Variants in RASSF3 observed in about 807,000 individuals in gnomAD.
RASSF3 encodes the protein Ras association domain family member 3, also known as ras association domain-containing protein 3.
RASSF3 carries 19 observed loss-of-function variants against 19.9 expected under a neutral mutation model. The observed-to-expected ratio is 0.96, with a 90% CI of 0.67 to 1.40. The LOEUF is 1.40. RASSF3 is among the 40% of genes most tolerant of loss of function. The pLI is 0.00. For synonymous variants in RASSF3, 110 were observed against 104.2 expected (o/e 1.06, Z -0.34); for missense variants, 306 against 289.8 (o/e 1.06, Z -0.41).
chr12:64,641,414 A>ACACACACGCGCGCGCGCG, intron 1 of RASSF3, among the ~76,000 whole-genome samples: 1 of 142,100 alleles, frequency 7.0e-6, no homozygotes, highest in African/African-American at 2.8e-5. Context: ...ACACACACAC[A>ACACACACGCGCGCGCGCG]CGCGCGCGCG....
chr12:64,507,174 C>T (rs1015259203), exon 1 of RASSF3: 7 of 398,520 alleles, frequency 1.8e-5, no homozygotes, highest in Admixed American at 4.4e-5. Context: ...CTCTCTGTAG[C>T]GAGTCATTCT....
chr12:64,534,689 G>A (rs1274796021), intron 1 of RASSF3, among the ~76,000 whole-genome samples: 1 of 152,056 alleles, frequency 6.6e-6, no homozygotes, highest in Non-Finnish European at 1.5e-5. Context: ...AGAATAGAGA[G>A]ACAGAGAGAG....
At chr12:64,662,988 C>T (rs183324509) in intron 1 of RASSF3, among the ~76,000 whole-genome samples, 67 of 152,254 alleles carry the variant, frequency 4.4e-4, no homozygotes, top group African/African-American at 1.5e-3. Flanking sequence ...TAAATTTTAG[C>T]TATTAACATA....
intron 2 of RASSF3, among the ~76,000 whole-genome samples, chr12:64,559,034 G>T (rs1869301320): frequency 6.6e-6 from 1 of 152,112 alleles, no homozygotes; most frequent in South Asian, 2.1e-4. Context: ...ACTGGTGATT[G>T]TGGCTGCCTG....
intron 2 of RASSF3, among the ~76,000 whole-genome samples, chr12:64,591,302 C>T (rs1451999183): frequency 6.6e-6 from 1 of 152,108 alleles, no homozygotes; most frequent in Non-Finnish European, 1.5e-5. Context: ...TAGTGAAACG[C>T]CATCTCTACT....
intron 1 of RASSF3, among the ~76,000 whole-genome samples, chr12:64,615,051 A>G (rs758358546): frequency 2.6e-5 from 4 of 152,152 alleles, no homozygotes; most frequent in Non-Finnish European, 5.9e-5. Flanking sequence ...CAGTGTTTAT[A>G]ATTTGTATTT....
chr12:64,582,345 C>A (rs1400917967), intron 2 of RASSF3, among the ~76,000 whole-genome samples: 3 of 152,172 alleles, frequency 2.0e-5, no homozygotes, highest in Non-Finnish European at 4.4e-5. Flanking sequence ...GCTGACAGCA[C>A]CAGCCTGCTC....
chr12:64,684,656 C>CCCAACCTCAGGTGATCCG (rs1459341766), intron 1 of RASSF3, 131 bp from the exon 2 acceptor site: 66 of 609,568 alleles, frequency 1.1e-4, no homozygotes, highest in African/African-American at 1.1e-3. Context: ...GTATTGAACT[C>CCCAACCTCAGGTGATCCG]CCAACCTCAG....
intron 1 of RASSF3, among the ~76,000 whole-genome samples, chr12:64,664,535 C>A (rs1390781460): frequency 6.6e-6 from 1 of 152,192 alleles, no homozygotes; most frequent in African/African-American, 2.4e-5. Context: ...TCAACCAGTT[C>A]TCCTTAAGTA....
chr12:64,630,747 G>A (rs545203663), intron 1 of RASSF3, among the ~76,000 whole-genome samples: 1 of 152,286 alleles, frequency 6.6e-6, no homozygotes, highest in African/African-American at 2.4e-5. Flanking sequence ...AACACTGAAT[G>A]TGGGCAGAGA....
At chr12:64,575,103 G>C (rs1869574559) in intron 2 of RASSF3, among the ~76,000 whole-genome samples, 1 of 152,144 alleles carries the variant, frequency 6.6e-6, no homozygotes, top group Admixed American at 6.5e-5. Context: ...GATAAAAAAA[G>C]AAAGAAAGCT....
At chr12:64,538,644 AAC>A (rs1013415216) in intron 1 of RASSF3, among the ~76,000 whole-genome samples, 6 of 150,210 alleles carry the variant, frequency 4.0e-5, no homozygotes, top group African/African-American at 1.5e-4. Flanking sequence ...CTCTGTAGAA[AAC>A]ACACAAAAAA....
At chr12:64,689,420 C>T (rs1289587214) in intron 3 of RASSF3, among the ~76,000 whole-genome samples, 1 of 152,092 alleles carries the variant, frequency 6.6e-6, no homozygotes, top group Admixed American at 6.5e-5. Context: ...GGGCTAGACC[C>T]TGTGGAATAC....
chr12:64,633,909 G>A (rs1871245369), intron 1 of RASSF3, among the ~76,000 whole-genome samples: 1 of 152,024 alleles, frequency 6.6e-6, no homozygotes. Context: ...TGAGGTGGGA[G>A]GATTGCTTGA....
At chr12:64,596,401 G>A (rs1246328133) in intron 2 of RASSF3, among the ~76,000 whole-genome samples, 3 of 152,202 alleles carry the variant, frequency 2.0e-5, no homozygotes, top group Non-Finnish European at 4.4e-5. Context: ...AAGGAAACCC[G>A]AAATTGCAAA....
chr12:64,554,320 T>C (rs1869217645), intron 2 of RASSF3, among the ~76,000 whole-genome samples: 1 of 152,210 alleles, frequency 6.6e-6, no homozygotes, highest in East Asian at 1.9e-4. Flanking sequence ...TTGTTTGTTT[T>C]TGAGATGGAG....
intron 1 of RASSF3, among the ~76,000 whole-genome samples, chr12:64,681,495 C>CA (rs1262232913): frequency 6.6e-6 from 1 of 152,196 alleles, no homozygotes; most frequent in Non-Finnish European, 1.5e-5. Context: ...AGGTGTGGTG[C>CA]ACTTTCTGCA....
rs552734473 is a variant in RASSF3, at chr12:64,508,754, C to G, written c.169+1425C>G. Among the ~76,000 whole-genome samples, 3 of 151,844 alleles carry G rather than the reference C, an allele frequency of 2.0e-5. No individual in the cohort carries two copies. In the East Asian group the frequency reaches 5.9e-4, roughly 30 times the overall value. On this transcript the variant is annotated intron_variant, in intron 1 of 5. Transcript: ENST00000637125. ...ACAAAATTAGCTGGGTGTGGTAGCA[C>G]ATGCCTGTAATCCCAGCTACTCGGG...
downstream of RASSF3, among the ~76,000 whole-genome samples, chr12:64,546,095 CAAAAAAAAAAAAAA>C (rs34666595): frequency 1.7e-5 from 1 of 59,544 alleles, no homozygotes; most frequent in Admixed American, 2.5e-4. Context: ...GACTCCGTCT[CAAAAAAAAAAAAAA>C]AAAAAAAAAA....
Sources: gnomAD v4.1 joint callset for allele counts (sites outside exome capture counted in the v4.1 genomes callset) on GRCh38, gnomAD v4.1.1 for gene constraint, MANE v1.5 for transcripts, NCBI Gene and HGNC (gene_info 2026-07-23, HGNC 2026-07-21) for gene names.